The following SUCLG2 variants were observed in gnomAD, a reference collection of about 807,000 sequenced individuals.
The protein encoded by SUCLG2 is succinate-CoA ligase GDP-forming subunit beta, also known as succinate--CoA ligase [GDP-forming] subunit beta, mitochondrial.
Under a neutral mutation model 47.9 loss-of-function variants are expected in SUCLG2, and 42 were observed. The observed-to-expected ratio is 0.88, with a 90% CI of 0.69 to 1.14. The LOEUF (loss-of-function observed/expected upper bound fraction) is 1.14. SUCLG2 is among the 50% of genes most tolerant of loss of function. The pLI, the probability that SUCLG2 is intolerant of heterozygous loss-of-function variation, is 0.00. For synonymous variants in SUCLG2, 195 were observed against 197.3 expected, an observed-to-expected ratio of 0.99 and a Z score of 0.10; for missense variants, 571 against 525.9, an observed-to-expected ratio of 1.09 and a Z score of -0.84.
chr3:67,618,026 A>G (rs1700661349), intron 1 of SUCLG2, among the ~76,000 whole-genome samples: 2 of 152,236 alleles, frequency 1.3e-5, no homozygotes, highest in South Asian at 2.1e-4. Flanking sequence ...AACTCTAATC[A>G]TGGAATTTCT....
intron 9 of SUCLG2, among the ~76,000 whole-genome samples, chr3:67,426,966 C>A (rs1307276356): frequency 6.6e-6 from 1 of 152,050 alleles, no homozygotes; most frequent in African/African-American, 2.4e-5. Flanking sequence ...GACCAAGCAT[C>A]CTTTGCCTAC....
chr3:67,468,925 G>C (rs1559537773), intron 9 of SUCLG2, among the ~76,000 whole-genome samples: 1 of 152,144 alleles, frequency 6.6e-6, no homozygotes, highest in Non-Finnish European at 1.5e-5. Flanking sequence ...ATCCTAACGA[G>C]GAACATGCCC....
rs567273600 is a variant in SUCLG2 at position 67,498,021 on chromosome 3, T to C, written c.919+113A>G. On this transcript the variant is annotated intron_variant, in intron 8 of 10. Transcript: ENST00000307227. ...GGATACTTTCCTAAGACTTTTCAGC[T>C]ACAAAAAAACTTATGTGCTTACTTC... is the stretch of plus-strand genomic sequence containing the variant. The C allele has an allele frequency of 1.4e-5, 16 of 1,160,540 alleles. No individual in the cohort carries two copies. In the South Asian group the frequency reaches 2.6e-4, roughly 19 times the overall value. The allele number at this position is 1,160,540 out of a possible 1,614,324, so 71.9% of individuals were successfully genotyped here. A position where few individuals can be genotyped will look rare whatever the true frequency, so the allele number is the denominator to read the frequency against.
intron 10 of SUCLG2, among the ~76,000 whole-genome samples, chr3:67,386,694 C>G (rs543750698): frequency 6.6e-6 from 1 of 152,290 alleles, no homozygotes; most frequent in South Asian, 2.1e-4. Context: ...AAAAACCCAC[C>G]ACCATGATTC....
At chr3:67,626,290 C>A (rs1700828041) in intron 1 of SUCLG2, among the ~76,000 whole-genome samples, 1 of 152,012 alleles carries the variant, frequency 6.6e-6, no homozygotes, top group Non-Finnish European at 1.5e-5. Flanking sequence ...CTGCACCCGG[C>A]CACTAGGGTT....
At chr3:67,605,638 T>C (rs1252144941) in intron 2 of SUCLG2, among the ~76,000 whole-genome samples, 4 of 152,052 alleles carry the variant, frequency 2.6e-5, no homozygotes, top group South Asian at 2.1e-4. Context: ...AGGAGCATCA[T>C]AGATATGCAC....
intron 10 of SUCLG2, among the ~76,000 whole-genome samples, chr3:67,393,490 G>C (rs2106795639): frequency 6.6e-6 from 1 of 152,328 alleles, no homozygotes; most frequent in East Asian, 1.9e-4. Flanking sequence ...CCATGGCCCA[G>C]GCTTGCTTAC....
intron 1 of SUCLG2, among the ~76,000 whole-genome samples, chr3:67,650,692 G>A (rs1057515239): frequency 2.0e-5 from 3 of 152,148 alleles, no homozygotes; most frequent in African/African-American, 7.2e-5. Flanking sequence ...AGGAGGAGGA[G>A]GTTGTAGTGA....
rs115394620 is a variant in SUCLG2, at chr3:67,587,251, C to T, written c.226+22204G>A. ...CTGTTTGCCTGGCATTATCACTCAT[C>T]TTAAAAATATTTAAGCTTCCCAAAT... On this transcript the variant is annotated intron_variant, in intron 2 of 10. Coordinates refer to ENST00000307227, the MANE Select transcript of SUCLG2 (RefSeq NM_003848.4). 3.8e-3 allele frequency among the ~76,000 whole-genome samples: 586 copies of T among 152,290 alleles called. 4 individuals carry two copies. Among genetic ancestry groups the T allele is most frequent in the African/African-American group, 0.013 (552 of 41,550 alleles).
chr3:67,518,357 A>G (rs765345619), intron 5 of SUCLG2, 21 bp from the exon 6 acceptor site: 33 of 1,597,844 alleles, frequency 2.1e-5, no homozygotes, highest in Non-Finnish European at 2.8e-5. Context: ...TAAATCAAAT[A>G]AACAAAATTC....
At chr3:67,628,330 G>A (rs893993565) in intron 1 of SUCLG2, among the ~76,000 whole-genome samples, 5 of 152,196 alleles carry the variant, frequency 3.3e-5, no homozygotes, top group Admixed American at 2.6e-4. Flanking sequence ...GAATGAAGGC[G>A]AGTATGAATG....
chr3:67,431,651 C>T (rs1013133045), intron 9 of SUCLG2, among the ~76,000 whole-genome samples: 5 of 151,746 alleles, frequency 3.3e-5, no homozygotes, highest in Admixed American at 1.3e-4. Context: ...GAAAACCAAA[C>T]ACCGCATGTT....
intron 9 of SUCLG2, among the ~76,000 whole-genome samples, chr3:67,434,971 T>C (rs1311862705): frequency 4.6e-5 from 7 of 152,348 alleles, no homozygotes; most frequent in Admixed American, 4.6e-4. Context: ...TAATTAAATA[T>C]ATAAATCTGT....
chr3:67,650,753 T>TA (rs1701272198), intron 1 of SUCLG2, among the ~76,000 whole-genome samples: 1 of 151,680 alleles, frequency 6.6e-6, no homozygotes, highest in African/African-American at 2.4e-5. Flanking sequence ...AGACTCTCTT[T>TA]CAAAAAAAAA....
intron 10 of SUCLG2, among the ~76,000 whole-genome samples, chr3:67,394,169 G>C (rs1253468137): frequency 6.6e-6 from 1 of 152,196 alleles, no homozygotes; most frequent in Non-Finnish European, 1.5e-5. Context: ...AAAGCTGGAC[G>C]GAGAATGACT....
intron 2 of SUCLG2, among the ~76,000 whole-genome samples, chr3:67,556,973 G>C (rs956847404): frequency 2.0e-5 from 3 of 152,210 alleles, no homozygotes; most frequent in Admixed American, 2.0e-4. Flanking sequence ...GTAGAAAACA[G>C]AAATGAGAGC....
intron 10 of SUCLG2, among the ~76,000 whole-genome samples, chr3:67,394,620 T>G (rs1283672361): frequency 6.6e-6 from 1 of 151,984 alleles, no homozygotes; most frequent in Non-Finnish European, 1.5e-5. Context: ...CCAAGAGAAC[T>G]TCCCCAATCT....
At chr3:67,523,957 T>C (rs1706189840) in intron 4 of SUCLG2, among the ~76,000 whole-genome samples, 1 of 152,222 alleles carries the variant, frequency 6.6e-6, no homozygotes, top group Admixed American at 6.5e-5. Context: ...AATTTCTATT[T>C]GTGAAGCCCA....
At chr3:67,386,909 T>A (rs937214565) in intron 10 of SUCLG2, among the ~76,000 whole-genome samples, 1 of 152,174 alleles carries the variant, frequency 6.6e-6, no homozygotes, top group Non-Finnish European at 1.5e-5. Context: ...TCTGCTGGTG[T>A]ACCCCCATCC....
Sources: gnomAD v4.1 joint callset for allele counts (sites outside exome capture counted in the v4.1 genomes callset) on GRCh38, gnomAD v4.1.1 for gene constraint, MANE v1.5 for transcripts, NCBI Gene and HGNC (gene_info 2026-07-23, HGNC 2026-07-21) for gene names.